The following NBPF9 variants were observed in gnomAD, a reference collection of about 807,000 sequenced individuals.
NBPF9 encodes the protein NBPF family member NBPF9.
In NBPF9, 91 loss-of-function variants were observed where a neutral mutation model predicts 97.8. The observed-to-expected ratio is 0.93, with a 90% confidence interval of 0.79 to 1.11. NBPF9 has a LOEUF of 1.11. NBPF9 is among the 50% of genes least tolerant of loss of function. The probability of loss-of-function intolerance (pLI) is 0.00; values close to 1 mark genes in which losing one functional copy is unlikely to be tolerated. For synonymous variants in NBPF9, 334 were observed against 359.5 expected, an observed-to-expected ratio of 0.93 and a Z score of 0.80; for missense variants, 992 against 939.5, an observed-to-expected ratio of 1.06 and a Z score of -0.73.
At chr1:149,070,690 T>G (rs2079334354) in intron 16 of NBPF9, among the ~76,000 whole-genome samples, 1 of 151,978 alleles carries the variant, frequency 6.6e-6, no homozygotes. Context: ...ATACTGCCTG[T>G]GCACCTCCTG....
In NBPF9 at chr1:149,064,333, A is replaced by C. The variant is rs1337553925; in HGVS notation, c.1853+98T>G. The C allele has an allele frequency of 6.4e-6, 5 of 779,164 alleles. No individual in the cohort carries two copies. The East Asian group carries it at 8.2e-5, about 13-fold the overall frequency. The allele number at this position is 779,164 out of a possible 1,614,324, so 48.3% of individuals were successfully genotyped here. A position where few individuals can be genotyped will look rare whatever the true frequency, so the allele number is the denominator to read the frequency against. ...TAGGCATAATTCATACTTGTCTGACAAGACAAAATCATTATTTTCAGCATG... is the reference window on the plus strand; with the variant it reads ...TAGGCATAATTCATACTTGTCTGACCAGACAAAATCATTATTTTCAGCATG... On this transcript the variant is annotated intron_variant, in intron 19 of 29. Coordinates refer to ENST00000584027, the Ensembl canonical transcript of NBPF9.
chr1:149,073,562 A>C (rs2079585439), intron 13 of NBPF9, among the ~76,000 whole-genome samples: 1 of 148,848 alleles, frequency 6.7e-6, no homozygotes, highest in African/African-American at 2.5e-5. Context: ...GAAAAAGAGA[A>C]AACAAGGCTC....
At chr1:149,095,251 C>G (rs1249249093) in intron 4 of NBPF9, among the ~76,000 whole-genome samples, 1 of 151,114 alleles carries the variant, frequency 6.6e-6, no homozygotes, top group Non-Finnish European at 1.5e-5. Context: ...GGTGCTAGAA[C>G]AGCTGGACAA....
At chr1:149,061,797 T>C in intron 22 of NBPF9, 1 of 305,066 alleles carries the variant, frequency 3.3e-6, no homozygotes, top group Non-Finnish European at 5.8e-6. Flanking sequence ...TACAAACCCT[T>C]GAGTCCAAAT....
intron 3 of NBPF9, among the ~76,000 whole-genome samples, chr1:149,099,208 T>G (rs1486829908): frequency 1.1e-4 from 17 of 152,358 alleles, no homozygotes; most frequent in Admixed American, 3.9e-4. Context: ...CTTTGGAATC[T>G]CATCTACTGG....
chr1:149,069,024 T>G (rs1255484257), intron 17 of NBPF9, among the ~76,000 whole-genome samples: 7 of 152,036 alleles, frequency 4.6e-5, no homozygotes, highest in African/African-American at 1.7e-4. Flanking sequence ...GAACGACTAC[T>G]GGGAAAATAA....
rs1427772603 is a variant in NBPF9 at position 149,059,129 on chromosome 1, C to T, written c.2586-32G>A. On this transcript the variant is annotated intron_variant, in intron 25 of 29. Transcript: ENST00000584027. ...AAGTAGGAAAAAGTAAAGAATAAGCCAGGGGGAATCAGAAACCACACAGCC... is the reference window on the plus strand; with the variant it reads ...AAGTAGGAAAAAGTAAAGAATAAGCTAGGGGGAATCAGAAACCACACAGCC... 4.3e-5 allele frequency: 18 copies of T among 414,038 alleles called. 2 individuals carry two copies. Among genetic ancestry groups the T allele is most frequent in the South Asian group, 2.8e-4 (11 of 39,228 alleles). The allele number at this position is 414,038 out of a possible 1,614,324, so 25.6% of individuals were successfully genotyped here.
At chr1:149,072,896 C>T (rs2079532825) in exon 14 of NBPF9, 5 of 1,607,244 alleles carry the variant, frequency 3.1e-6, no homozygotes. Context: ...ACTGGGTCAG[C>T]TCTCGTTCCT....
chr1:149,055,979 T>A (rs1299233019), intron 29 of NBPF9, 80 bp from the exon 30 acceptor site: 13 of 1,609,920 alleles, frequency 8.1e-6, no homozygotes, highest in African/African-American at 1.3e-5. Flanking sequence ...AGAAGTAACA[T>A]AAGGAAGTGG....
chr1:149,099,102 A>T (rs1198049051), intron 3 of NBPF9, among the ~76,000 whole-genome samples: 4 of 151,906 alleles, frequency 2.6e-5, no homozygotes, highest in African/African-American at 9.7e-5. Flanking sequence ...TAGCCAGGGA[A>T]GTTTTCACCA....
intron 5 of NBPF9, among the ~76,000 whole-genome samples, chr1:149,087,268 G>GTATA (rs200881375): frequency 2.7e-4 from 39 of 146,068 alleles, no homozygotes; most frequent in South Asian, 1.1e-3. Flanking sequence ...GTGTGTGTCT[G>GTATA]TATATATATA....
At chr1:149,061,126 A>T (rs1341620783) in intron 23 of NBPF9, 2 of 387,952 alleles carry the variant, frequency 5.2e-6, no homozygotes, top group East Asian at 6.5e-5. Context: ...AGTCTGGTCC[A>T]CCTACAGTAG....
intron 17 of NBPF9, among the ~76,000 whole-genome samples, chr1:149,067,391 C>G (rs2079098863): frequency 7.7e-6 from 1 of 130,252 alleles, no homozygotes; most frequent in African/African-American, 3.0e-5. Flanking sequence ...TACATGTCCA[C>G]ATTGGTGTGC....
At chr1:149,069,001 A>G (rs587766703) in intron 17 of NBPF9, among the ~76,000 whole-genome samples, 53 of 152,334 alleles carry the variant, frequency 3.5e-4, no homozygotes, top group Non-Finnish European at 6.8e-4. Flanking sequence ...TGGAAACTGA[A>G]CAACCTGCTC....
chr1:149,081,971 T>A lies in NBPF9; in HGVS notation c.169A>T (p.Lys57Ter), dbSNP rs2080496553. ...GTGAGCCTATAGATCTTACTGTATT[T>A]CTTCTGTCGGTTGGCCAGGAAGCCG... Residue 57 changes from lysine (K) to a stop codon, truncating the protein, a stop_gained, in exon 7 of 30, where the codon AAA becomes TAA. Transcript: ENST00000584027. LOFTEE classifies it high-confidence loss of function. 48 of 1,585,514 alleles carry A rather than the reference T, an allele frequency of 3.0e-5. No individual in the cohort carries two copies. The highest frequency in any genetic ancestry group is 4.0e-5 in the Non-Finnish European group (46 of 1,162,390).
chr1:149,087,268 G>GTA (rs200881375), intron 5 of NBPF9, among the ~76,000 whole-genome samples: 11,497 of 145,984 alleles, frequency 0.079, 898 homozygotes, highest in East Asian at 0.48. Flanking sequence ...GTGTGTGTCT[G>GTA]TATATATATA....
At chr1:149,075,358 T>G (rs1553654023) in intron 12 of NBPF9, among the ~76,000 whole-genome samples, 1 of 152,228 alleles carries the variant, frequency 6.6e-6, no homozygotes, top group Non-Finnish European at 1.5e-5. Context: ...TAGAGAGGAT[T>G]CTTGAAAACA....
chr1:149,089,790 TGA>T (rs1176456450), intron 5 of NBPF9, among the ~76,000 whole-genome samples: 404 of 152,264 alleles, frequency 2.7e-3, no homozygotes, highest in African/African-American at 9.0e-3. Flanking sequence ...CTTTCTAATT[TGA>T]CATAAAGTGC....
At chr1:149,082,367 A>G (rs2080549010) in exon 6 of NBPF9, 1 of 1,490,884 alleles carries the variant, frequency 6.7e-7, no homozygotes, top group Non-Finnish European at 9.0e-7. Flanking sequence ...AGCTGAAAGC[A>G]CTGCCAGTAG....
Sources: allele counts gnomAD v4.1 joint callset (sites outside exome capture counted in the v4.1 genomes callset), GRCh38; gene constraint gnomAD v4.1.1; transcripts MANE v1.5; gene names NCBI Gene and HGNC (gene_info 2026-07-23, HGNC 2026-07-21).